The following DLG1 variants were observed in gnomAD, a reference collection of about 807,000 sequenced individuals.
The protein encoded by DLG1 is discs large MAGUK scaffold protein 1, also known as disks large homolog 1.
Under a neutral mutation model 123.4 loss-of-function variants are expected in DLG1, and 42 were observed. The ratio of observed to expected loss-of-function variants is 0.34; its 90% CI spans 0.27 to 0.44. DLG1 has a LOEUF of 0.44. Among genes scored for constraint, DLG1 ranks in the 20% least tolerant of loss-of-function variants. The probability of loss-of-function intolerance (pLI) is 1.00; values close to 1 mark genes in which losing one functional copy is unlikely to be tolerated. For missense variants in DLG1, 942 were observed against 1,082.6 expected (o/e 0.87, Z 1.82); for synonymous variants, 317 against 356.2 (o/e 0.89, Z 1.24).
intron 4 of DLG1, among the ~76,000 whole-genome samples, chr3:197,229,820 A>G (rs1334611273): frequency 6.6e-6 from 1 of 152,220 alleles, no homozygotes. Flanking sequence ...GATTATTTGG[A>G]TATACTTTAA....
chr3:197,204,570 A>G (rs1257550295), intron 4 of DLG1, among the ~76,000 whole-genome samples: 2 of 152,190 alleles, frequency 1.3e-5, no homozygotes, highest in African/African-American at 4.8e-5. Flanking sequence ...TGGTTAAACA[A>G]TTTCTCCCAA....
chr3:197,130,031 T>C (rs552753988), intron 11 of DLG1, among the ~76,000 whole-genome samples: 28 of 152,256 alleles, frequency 1.8e-4, no homozygotes, highest in African/African-American at 6.0e-4. Context: ...AGTGAGAACA[T>C]GTTGCTGAAG....
chr3:197,191,266 A>G (rs559970213), intron 5 of DLG1, among the ~76,000 whole-genome samples: 117 of 152,274 alleles, frequency 7.7e-4, no homozygotes, highest in Non-Finnish European at 1.2e-3. Flanking sequence ...ACCCTTAGGG[A>G]TAACACCTTA....
At chr3:197,048,201 T>C (rs1724750985) in intron 24 of DLG1, among the ~76,000 whole-genome samples, 2 of 152,332 alleles carry the variant, frequency 1.3e-5, no homozygotes, top group South Asian at 2.1e-4. Context: ...CTGGGTGCAG[T>C]GGCTCACGCC....
intron 5 of DLG1, among the ~76,000 whole-genome samples, chr3:197,176,583 T>C (rs1807212694): frequency 6.6e-6 from 1 of 152,186 alleles, no homozygotes; most frequent in Non-Finnish European, 1.5e-5. Context: ...GGTTGGCTTC[T>C]TTCACCTGGT....
chr3:197,234,798 G>A (rs939663925), intron 4 of DLG1, among the ~76,000 whole-genome samples: 2 of 152,024 alleles, frequency 1.3e-5, no homozygotes, highest in African/African-American at 4.8e-5. Context: ...TGAGACTTAG[G>A]TTCATTTTTG....
At chr3:197,046,803 G>A (rs1191276233) in intron 24 of DLG1, among the ~76,000 whole-genome samples, 1 of 152,090 alleles carries the variant, frequency 6.6e-6, no homozygotes, top group Non-Finnish European at 1.5e-5. Flanking sequence ...CTGGGAGGTG[G>A]AGGTTCCAGT....
intron 1 of DLG1, chr3:197,297,640 C>G: frequency 1.0e-6 from 1 of 997,834 alleles, no homozygotes; most frequent in African/African-American, 1.7e-5. Flanking sequence ...GGACTGGCCG[C>G]CCGCCCTGCT....
At chr3:197,183,040 T>C (rs937583758) in intron 5 of DLG1, among the ~76,000 whole-genome samples, 4 of 152,170 alleles carry the variant, frequency 2.6e-5, no homozygotes, top group East Asian at 1.9e-4. Flanking sequence ...CAAAAAACGA[T>C]TCATTAAATC....
Position 197,085,760 on chromosome 3 carries a change from G to C in DLG1, c.1662-4C>G, listed in dbSNP as rs1192333029. 6.2e-7 allele frequency: 1 copy of C among 1,606,548 alleles called. No individual in the cohort carries two copies. On this transcript the variant is annotated splice_polypyrimidine_tract_variant and splice_region_variant and intron_variant, in intron 15 of 24. Coordinates refer to ENST00000667157, the MANE Select transcript of DLG1 (RefSeq NM_001366207.1). ...CTTGTCATAATCAAAAAGGGCTCTA[G>C]AGTCAGAAGAAAAAAAGTCCATAAT...
chr3:197,078,969 T>C (rs1039404916), intron 17 of DLG1, among the ~76,000 whole-genome samples: 2 of 152,126 alleles, frequency 1.3e-5, no homozygotes, highest in African/African-American at 4.8e-5. Flanking sequence ...TATCATAATA[T>C]AGGACAGAGA....
At chr3:197,241,839 A>C (rs913035354) in intron 4 of DLG1, among the ~76,000 whole-genome samples, 3 of 152,198 alleles carry the variant, frequency 2.0e-5, no homozygotes, top group African/African-American at 7.2e-5. Flanking sequence ...ACCTATAACA[A>C]ATTCACTAAA....
chr3:197,189,567 G>C (rs1308761645), intron 5 of DLG1, among the ~76,000 whole-genome samples: 2 of 152,144 alleles, frequency 1.3e-5, no homozygotes, highest in Non-Finnish European at 2.9e-5. Context: ...GTGAGGGAAA[G>C]GGGACTAGTG....
At chr3:197,166,539 C>A (rs962852394) in intron 5 of DLG1, among the ~76,000 whole-genome samples, 1 of 152,142 alleles carries the variant, frequency 6.6e-6, no homozygotes, top group Admixed American at 6.5e-5. Context: ...AGCTCAACAG[C>A]ACGAATACAC....
intron 13 of DLG1, among the ~76,000 whole-genome samples, chr3:197,112,855 T>C (rs1770883559): frequency 6.6e-6 from 1 of 152,192 alleles, no homozygotes; most frequent in Admixed American, 6.5e-5. Context: ...CTCAGCCTCC[T>C]GAGTTACTGG....
At chr3:197,260,742 A>G (rs886833179) in intron 4 of DLG1, among the ~76,000 whole-genome samples, 2 of 138,454 alleles carry the variant, frequency 1.4e-5, no homozygotes, top group African/African-American at 5.5e-5. Flanking sequence ...TACTCAAATG[A>G]CAACCACCAA....
chr3:197,296,606 G>GTTCA, intron 2 of DLG1, 129 bp from the exon 3 acceptor site: 2 of 737,662 alleles, frequency 2.7e-6, no homozygotes, highest in Non-Finnish European at 4.4e-6. Flanking sequence ...ATGTCACTAT[G>GTTCA]TTCATGTACA....
At chr3:197,288,644 C>G (rs1413036162) in intron 3 of DLG1, among the ~76,000 whole-genome samples, 1 of 146,780 alleles carries the variant, frequency 6.8e-6, no homozygotes, top group Non-Finnish European at 1.5e-5. Flanking sequence ...TCGCTTGAAC[C>G]TAGGAGGCGG....
At chr3:197,081,190 T>A in intron 16 of DLG1, 73 bp from the exon 17 acceptor site, 2 of 1,416,516 alleles carry the variant, frequency 1.4e-6, no homozygotes, top group Non-Finnish European at 1.9e-6. Flanking sequence ...TAACCAGAAT[T>A]GTTATCTTTA....
Sources: allele counts gnomAD v4.1 joint callset (sites outside exome capture counted in the v4.1 genomes callset), GRCh38; gene constraint gnomAD v4.1.1; transcripts MANE v1.5; gene names NCBI Gene and HGNC (gene_info 2026-07-23, HGNC 2026-07-21).